Variants in PXDNL observed in about 807,000 individuals in gnomAD.
The protein encoded by PXDNL is peroxidasin like.
A neutral mutation model predicts 150.8 loss-of-function variants in PXDNL; 145 were observed. That is an observed-to-expected ratio of 0.96 (90% CI 0.84 to 1.10). The LOEUF (loss-of-function observed/expected upper bound fraction) is 1.10. Ranked by LOEUF, PXDNL falls within the 50% of genes least tolerant of loss-of-function variation. The pLI, the probability that PXDNL is intolerant of heterozygous loss-of-function variation, is 0.00. For missense variants in PXDNL, 2,087 were observed against 1,873.9 expected (o/e 1.11, Z -2.10); for synonymous variants, 757 against 725.7 (o/e 1.04, Z -0.69).
At chr8:51,603,898 G>A (rs1284813360) in intron 2 of PXDNL, among the ~76,000 whole-genome samples, 2 of 152,108 alleles carry the variant, frequency 1.3e-5, no homozygotes, top group Non-Finnish European at 2.9e-5. Flanking sequence ...ACAAAGTAGT[G>A]TCACTGTGCT....
At chr8:51,548,140 G>C (rs1252573566) in intron 4 of PXDNL, among the ~76,000 whole-genome samples, 1 of 145,068 alleles carries the variant, frequency 6.9e-6, no homozygotes, top group African/African-American at 2.5e-5. Flanking sequence ...ACCTGACAAA[G>C]ACAAAGAAAA....
chr8:51,339,965 T>C (rs1237415601), intron 20 of PXDNL: 6 of 412,568 alleles, frequency 1.5e-5, no homozygotes. Context: ...ATCTGGTTCA[T>C]GTAATTTATC....
intron 7 of PXDNL, among the ~76,000 whole-genome samples, chr8:51,474,280 A>G (rs1810422823): frequency 6.6e-6 from 1 of 152,228 alleles, no homozygotes; most frequent in Admixed American, 6.5e-5. Flanking sequence ...ATTTCTATTT[A>G]AACCGAAATA....
chr8:51,528,630 T>C (rs753928140), intron 4 of PXDNL, among the ~76,000 whole-genome samples: 4 of 152,116 alleles, frequency 2.6e-5, no homozygotes, highest in Admixed American at 1.3e-4. Context: ...GTAGGTCCAA[T>C]CTAATCACAC....
chr8:51,684,146 A>T (rs1815820899), intron 1 of PXDNL, among the ~76,000 whole-genome samples: 1 of 152,170 alleles, frequency 6.6e-6, no homozygotes, highest in Non-Finnish European at 1.5e-5. Context: ...ATGCATCCAC[A>T]TGCTTATAAA....
chr8:51,633,526 C>T (rs77101504), intron 2 of PXDNL, among the ~76,000 whole-genome samples: 1 of 152,028 alleles, frequency 6.6e-6, no homozygotes, highest in East Asian at 1.9e-4. Context: ...TATGTGTTCT[C>T]CTTTCTCTGC....
intron 9 of PXDNL, among the ~76,000 whole-genome samples, chr8:51,454,319 A>C (rs1177527680): frequency 6.6e-6 from 1 of 152,238 alleles, no homozygotes; most frequent in African/African-American, 2.4e-5. Flanking sequence ...GAAGAATATT[A>C]TTGGCTCACT....
intron 12 of PXDNL, among the ~76,000 whole-genome samples, chr8:51,430,473 C>T (rs1809222669): frequency 6.6e-6 from 1 of 152,216 alleles, no homozygotes; most frequent in African/African-American, 2.4e-5. Flanking sequence ...TTTTTAACTT[C>T]AAGACCTTCA....
chr8:51,393,251 G>A (rs940258218), intron 17 of PXDNL, among the ~76,000 whole-genome samples: 3 of 152,204 alleles, frequency 2.0e-5, no homozygotes, highest in Non-Finnish European at 2.9e-5. Flanking sequence ...GCACTCAGAT[G>A]TGTGCATAGA....
intron 19 of PXDNL, among the ~76,000 whole-genome samples, chr8:51,363,047 C>T (rs569193813): frequency 9.2e-5 from 14 of 152,130 alleles, no homozygotes; most frequent in Non-Finnish European, 1.9e-4. Context: ...GTTCCTAGAA[C>T]AGCAGCTACC....
chr8:51,608,217 G>T (rs1162615310), intron 2 of PXDNL, among the ~76,000 whole-genome samples: 1 of 146,540 alleles, frequency 6.8e-6, no homozygotes, highest in Non-Finnish European at 1.5e-5. Flanking sequence ...GTGAAACCCC[G>T]TCTCTACTAA....
At chr8:51,330,027 A>T (rs1198779010) in intron 21 of PXDNL, among the ~76,000 whole-genome samples, 1 of 152,188 alleles carries the variant, frequency 6.6e-6, no homozygotes, top group African/African-American at 2.4e-5. Context: ...CTTATGTCCC[A>T]ACTCAAGCTG....
chr8:51,322,104 G>A (rs1272176565), intron 21 of PXDNL, among the ~76,000 whole-genome samples: 1 of 152,170 alleles, frequency 6.6e-6, no homozygotes, highest in Non-Finnish European at 1.5e-5. Context: ...AGCAAGCCAA[G>A]GCGTGAGGCC....
intron 3 of PXDNL, among the ~76,000 whole-genome samples, chr8:51,586,272 A>G (rs112060882): frequency 6.6e-6 from 1 of 152,204 alleles, no homozygotes; most frequent in Non-Finnish European, 1.5e-5. Context: ...GAGAAGCCAC[A>G]TGGAAAAGAA....
At chr8:51,738,242 A>T (rs1817079301) in intron 1 of PXDNL, among the ~76,000 whole-genome samples, 1 of 152,162 alleles carries the variant, frequency 6.6e-6, no homozygotes, top group Admixed American at 6.6e-5. Context: ...TTTTGTTTTA[A>T]GTAGAAATTT....
chr8:51,644,746 C>T (rs985922130), intron 2 of PXDNL, among the ~76,000 whole-genome samples: 1 of 151,716 alleles, frequency 6.6e-6, no homozygotes, highest in Non-Finnish European at 1.5e-5. Context: ...TGTGAGTCAC[C>T]GCGCCGGGAT....
intron 21 of PXDNL, among the ~76,000 whole-genome samples, chr8:51,330,813 C>T (rs993906403): frequency 6.6e-6 from 1 of 152,158 alleles, no homozygotes; most frequent in African/African-American, 2.4e-5. Context: ...CCATTCCAAG[C>T]CTCAAATCTC....
At chr8:51,746,829 C>A (rs1466718682) in intron 1 of PXDNL, among the ~76,000 whole-genome samples, 1 of 152,140 alleles carries the variant, frequency 6.6e-6, no homozygotes, top group African/African-American at 2.4e-5. Context: ...TCAGGTGATT[C>A]TCCCACCTCA....
chr8:51,635,731 A>G (rs1414411590), intron 2 of PXDNL, among the ~76,000 whole-genome samples: 1 of 152,048 alleles, frequency 6.6e-6, no homozygotes, highest in Non-Finnish European at 1.5e-5. Flanking sequence ...CACAACAAAG[A>G]AAACCTCAAG....
Sources: gnomAD v4.1 joint callset for allele counts (sites outside exome capture counted in the v4.1 genomes callset) on GRCh38, gnomAD v4.1.1 for gene constraint, MANE v1.5 for transcripts, NCBI Gene and HGNC (gene_info 2026-07-23, HGNC 2026-07-21) for gene names.